EPB41L5: variants seen among roughly 807,000 people sequenced by gnomAD.
The protein encoded by EPB41L5 is band 4.1-like protein 5.
EPB41L5 carries 55 observed loss-of-function variants against 106.6 expected under a neutral mutation model. The observed-to-expected ratio is 0.52, with a 90% CI of 0.42 to 0.65. The LOEUF is 0.65. Among genes scored for constraint, EPB41L5 ranks in the 30% least tolerant of loss-of-function variants. The probability of loss-of-function intolerance (pLI) is 0.00; values close to 1 mark genes in which losing one functional copy is unlikely to be tolerated. For synonymous variants in EPB41L5, 297 were observed against 306.7 expected (o/e 0.97, Z 0.33); for missense variants, 871 against 882.1 (o/e 0.99, Z 0.16).
At chr2:120,146,390 A>C in intron 20 of EPB41L5, 101 bp downstream of exon 20, 1 of 815,500 alleles carries the variant, frequency 1.2e-6, no homozygotes, top group South Asian at 1.6e-5. Flanking sequence ...TGTCTGTCTG[A>C]AAGATAGCTT....
intron 17 of EPB41L5, 57 bp from the exon 18 acceptor site, chr2:120,131,561 G>A: frequency 8.1e-7 from 1 of 1,227,782 alleles, no homozygotes; most frequent in Non-Finnish European, 1.2e-6. Context: ...CCCTCACACA[G>A]CTAGCTGTGA....
rs138978751 is a variant in EPB41L5 at position 120,046,118 on chromosome 2, C to G, written c.285+4008C>G. 5.2e-3 allele frequency among the ~76,000 whole-genome samples: 793 copies of G among 152,212 alleles called. 4 individuals are homozygous for G. The highest frequency in any genetic ancestry group is 0.018 in the African/African-American group (762 of 41,538). On this transcript the variant is annotated intron_variant, in intron 3 of 24. Transcript: ENST00000263713. ...TGTGAATAGTGCCGCAGTAAACATA[C>G]GTGTGCATGTGTCTTTATAGCAGCA...
chr2:120,159,814 A>G (rs1240834738), intron 20 of EPB41L5, among the ~76,000 whole-genome samples: 8 of 152,236 alleles, frequency 5.3e-5, no homozygotes, highest in Non-Finnish European at 8.8e-5. Context: ...AGGCTTCCCT[A>G]TTCAATAAAT....
intron 3 of EPB41L5, among the ~76,000 whole-genome samples, chr2:120,047,661 C>T (rs1416207701): frequency 1.3e-5 from 2 of 152,166 alleles, no homozygotes; most frequent in South Asian, 2.1e-4. Flanking sequence ...ATTTCTTTCT[C>T]CTGCCTGATT....
chr2:120,079,053 G>A (rs1682450981), intron 10 of EPB41L5, among the ~76,000 whole-genome samples: 1 of 152,136 alleles, frequency 6.6e-6, no homozygotes, highest in African/African-American at 2.4e-5. Context: ...ATCAAGGATA[G>A]ATTTTACTTG....
intron 14 of EPB41L5, among the ~76,000 whole-genome samples, chr2:120,094,862 A>C (rs1367955103): frequency 6.6e-6 from 1 of 152,064 alleles, no homozygotes; most frequent in Non-Finnish European, 1.5e-5. Context: ...TGAATGTCAA[A>C]ATTTTATTTT....
intron 20 of EPB41L5, among the ~76,000 whole-genome samples, chr2:120,149,921 G>T (rs1466498073): frequency 7.0e-6 from 1 of 143,842 alleles, no homozygotes; most frequent in Non-Finnish European, 1.5e-5. Flanking sequence ...TTGAGACAGG[G>T]TCTTGCTCTG....
chr2:120,114,069 A>G (rs775095230), intron 16 of EPB41L5, among the ~76,000 whole-genome samples: 5 of 152,146 alleles, frequency 3.3e-5, no homozygotes, highest in Non-Finnish European at 5.9e-5. Context: ...GGAACTGCCA[A>G]ATTGTTTTTC....
intron 3 of EPB41L5, among the ~76,000 whole-genome samples, chr2:120,054,563 G>T (rs912285587): frequency 6.6e-6 from 1 of 151,454 alleles, no homozygotes. Flanking sequence ...GAGTGCAGTG[G>T]TGCAATTTCG....
chr2:120,163,676 T>C lies in EPB41L5; in HGVS notation c.1888-1160T>C, dbSNP rs1017419354. Among the ~76,000 whole-genome samples, 11 of 151,362 alleles carry C rather than the reference T, an allele frequency of 7.3e-5. No individual in the cohort carries two copies. The South Asian group carries it at 8.3e-4, about 11-fold the overall frequency. On this transcript the variant is annotated intron_variant, in intron 21 of 24. Transcript: ENST00000263713. ...TCATCTAGTCTAAAAGTTAAAAGGC[T>C]GGGCACAGTGGCTCACACCTGTAAT...
chr2:120,041,563 A>T (rs1679406447), intron 2 of EPB41L5, among the ~76,000 whole-genome samples: 1 of 152,102 alleles, frequency 6.6e-6, no homozygotes, highest in African/African-American at 2.4e-5. Flanking sequence ...TTCATTGATT[A>T]TTCTAGTTTC....
chr2:120,054,363 A>G (rs887286083), intron 3 of EPB41L5, among the ~76,000 whole-genome samples: 1 of 152,194 alleles, frequency 6.6e-6, no homozygotes, highest in African/African-American at 2.4e-5. Flanking sequence ...CTTTCTTGAT[A>G]GTGTCCTTTG....
chr2:120,055,529 A>G (rs1004347782), intron 3 of EPB41L5, among the ~76,000 whole-genome samples: 8 of 135,950 alleles, frequency 5.9e-5, no homozygotes, highest in African/African-American at 8.5e-5. Flanking sequence ...TGCTCTGTCA[A>G]CCAGGCTGGA....
chr2:120,117,893 C>A (rs1685023728), intron 16 of EPB41L5, among the ~76,000 whole-genome samples: 2 of 152,204 alleles, frequency 1.3e-5, no homozygotes, highest in African/African-American at 4.8e-5. Context: ...TTTTTCTTCT[C>A]TACTTTTAAG....
At chr2:120,104,562 G>C in intron 16 of EPB41L5, 1 of 1,008,158 alleles carries the variant, frequency 9.9e-7, no homozygotes, top group South Asian at 4.6e-5. Context: ...TTGTGAACAA[G>C]GTGCCCATTA....
At chr2:120,068,978 A>C (rs1388117456) in intron 3 of EPB41L5, among the ~76,000 whole-genome samples, 1 of 151,868 alleles carries the variant, frequency 6.6e-6, no homozygotes, top group Non-Finnish European at 1.5e-5. Context: ...AAATTCAAAA[A>C]TTAGCCGGGT....
intron 16 of EPB41L5, chr2:120,105,343 C>T (rs1249559080): frequency 1.8e-5 from 17 of 968,254 alleles, no homozygotes; most frequent in Admixed American, 6.2e-5. Flanking sequence ...TTTTATATTT[C>T]GAAGAGTTTA....
Position 120,016,871 on chromosome 2 carries a change from G to A in EPB41L5, c.-8-2206G>A, listed in dbSNP as rs115344770. 8.2e-3 allele frequency among the ~76,000 whole-genome samples: 1,243 copies of A among 151,314 alleles called. 5 individuals are homozygous for A. The highest frequency in any genetic ancestry group is 0.014 in the Middle Eastern group (4 of 294). ...CAAGTTCCAAAGGGAGAAATACCTG[G>A]AAAAAAAAATCTGGAGAAAGAGACT... On this transcript the variant is annotated intron_variant, in intron 1 of 24. Transcript: ENST00000263713.
chr2:120,058,882 A>C (rs928927144), intron 3 of EPB41L5, among the ~76,000 whole-genome samples: 2 of 152,208 alleles, frequency 1.3e-5, no homozygotes, highest in African/African-American at 2.4e-5. Flanking sequence ...GTTCTCCCCA[A>C]ATTGATATAC....
Sources: gnomAD v4.1 joint callset for allele counts (sites outside exome capture counted in the v4.1 genomes callset) on GRCh38, gnomAD v4.1.1 for gene constraint, MANE v1.5 for transcripts, NCBI Gene and HGNC (gene_info 2026-07-23, HGNC 2026-07-21) for gene names.